CD300C: variants seen among roughly 807,000 people sequenced by gnomAD.
The protein encoded by CD300C is CMRF35-like molecule 6.
Under a neutral mutation model 18.4 loss-of-function variants are expected in CD300C, and 11 were observed. The ratio of observed to expected loss-of-function variants is 0.60; its 90% CI spans 0.38 to 0.99. CD300C has a LOEUF of 0.99. Among genes scored for constraint, CD300C ranks in the 50% least tolerant of loss-of-function variants. The pLI is 0.01. For missense variants in CD300C, 277 were observed against 287.4 expected (o/e 0.96, Z 0.26); for synonymous variants, 116 against 116.3 (o/e 1.00, Z 0.02).
chr17:74,542,824 C>T lies in CD300C; in HGVS notation c.527+37G>A, dbSNP rs766076085. The T allele has an allele frequency of 1.1e-5, 17 of 1,577,398 alleles. No homozygotes were observed. The South Asian group carries it at 1.2e-4, about 11-fold the overall frequency. ...TAAACATCACACGCAGTGGGGAGGC[C>T]GCCAGCGTGGCCCAGTCCTATGCGC... On this transcript the variant is annotated intron_variant, in intron 3 of 3. Coordinates refer to ENST00000330793, the MANE Select transcript of CD300C (RefSeq NM_006678.5).
chr17:74,542,741 G>T, intron 3 of CD300C, 120 bp downstream of exon 3: 3 of 1,207,778 alleles, frequency 2.5e-6, no homozygotes, highest in Admixed American at 2.3e-5. Context: ...GAACCTTCAC[G>T]TTTGGTGTGG....
chr17:74,535,053 A>G, the CD300C span, among the ~76,000 whole-genome samples: 1 of 152,272 alleles, frequency 6.6e-6, no homozygotes, highest in African/African-American at 2.4e-5. Context: ...TTGATTATCT[A>G]CATATAAAAC....
At chr17:74,540,785 A>C (rs1156307352), downstream of CD300C, among the ~76,000 whole-genome samples, 1 of 152,208 alleles carries the variant, frequency 6.6e-6, no homozygotes, top group Non-Finnish European at 1.5e-5. Flanking sequence ...CACCAGTTAA[A>C]ACCCACAGCC....
downstream of CD300C, among the ~76,000 whole-genome samples, chr17:74,537,976 AG>A (rs1908430902): frequency 6.6e-6 from 1 of 152,222 alleles, no homozygotes; most frequent in Admixed American, 6.5e-5. Context: ...TTCTGAGAGA[AG>A]GATAGAAAAG....
intron 1 of CD300C, 117 bp from the exon 2 acceptor site, chr17:74,545,064 C>G (rs1177824734): frequency 1.1e-6 from 1 of 905,092 alleles, no homozygotes; most frequent in Non-Finnish European, 1.7e-6. Context: ...AGGCAGGCAG[C>G]CTTTGTCCAC....
Position 74,541,565 on chromosome 17 carries a change from C to T in CD300C, c.*24G>A, listed in dbSNP as rs1908548090. On this transcript the variant is annotated 3_prime_UTR_variant, in exon 4 of 4. Coordinates refer to ENST00000330793, the MANE Select transcript of CD300C (RefSeq NM_006678.5). ...CCCCCAGAGGGGCTCTGTTGCAGCA[C>T]AGGGCCTTGATGGACAGCAGATGCT... is the stretch of plus-strand genomic sequence containing the variant. 1 of 1,564,996 alleles carries T rather than the reference C, an allele frequency of 6.4e-7. No homozygotes were observed. Among genetic ancestry groups the T allele is most frequent in the Non-Finnish European group, 8.8e-7 (1 of 1,135,444 alleles).
downstream of CD300C, among the ~76,000 whole-genome samples, chr17:74,539,313 T>C (rs1908471147): frequency 6.6e-6 from 1 of 152,120 alleles, no homozygotes; most frequent in Admixed American, 6.5e-5. Context: ...CAGTCATTGG[T>C]GCTGATGCCC....
intron 2 of CD300C, 77 bp from the exon 3 acceptor site, chr17:74,543,064 T>TGGTGTCATGAGCAGCGGCTGCTGGTG: frequency 6.3e-7 from 1 of 1,575,960 alleles, no homozygotes; most frequent in Non-Finnish European, 8.7e-7. Context: ...TGCTCCAATT[T>TGGTGTCATGAGCAGCGGCTGCTGGTG]TCACAGACAA....
intron 2 of CD300C, 29 bp from the exon 3 acceptor site, chr17:74,543,016 T>A (rs781535102): frequency 2.5e-6 from 4 of 1,612,206 alleles, no homozygotes; most frequent in Non-Finnish European, 3.4e-6. Context: ...TCAACCTTGA[T>A]GACATCACAT....
the CD300C span, among the ~76,000 whole-genome samples, chr17:74,536,062 G>C: frequency 1.3e-5 from 2 of 152,042 alleles, no homozygotes; most frequent in African/African-American, 4.8e-5. Flanking sequence ...AATGGGTCAA[G>C]GACTTACCTG....
At chr17:74,535,469 C>CAAAAAAAAAAAAAAAAAAACCAAAAAAA in the CD300C span, among the ~76,000 whole-genome samples, 1 of 80,276 alleles carries the variant, frequency 1.2e-5, no homozygotes, top group Non-Finnish European at 2.4e-5. Context: ...AACTCTGTCT[C>CAAAAAAAAAAAAAAAAAAACCAAAAAAA]AAAAAAAAAA....
intron 1 of CD300C, among the ~76,000 whole-genome samples, 197 bp from the exon 2 acceptor site, chr17:74,545,144 G>A (rs1283868398): frequency 2.0e-5 from 3 of 152,200 alleles, no homozygotes; most frequent in Non-Finnish European, 4.4e-5. Flanking sequence ...AAGTTTCCAT[G>A]GAGACTGGAA....
intron 2 of CD300C, among the ~76,000 whole-genome samples, chr17:74,543,552 C>T (rs968761857): frequency 5.3e-5 from 8 of 152,210 alleles, no homozygotes; most frequent in Non-Finnish European, 1.0e-4. Flanking sequence ...GCCTGGGCGG[C>T]GGCCCGTGGT....
In CD300C at chr17:74,542,933, G is replaced by A; in HGVS notation, c.455C>T (p.Pro152Leu). 1.9e-6 allele frequency: 3 copies of A among 1,613,248 alleles called. No individual in the cohort carries two copies. Among genetic ancestry groups the A allele is most frequent in the Non-Finnish European group, 2.5e-6 (3 of 1,180,008 alleles). The part of the protein sequence containing the change: ...PQSSMGTSGP[P>L]TKLPVHTWPS... ...CCAGGTGTGCACGGGCAGCTTCGTG[G>A]GAGGACCTGAGGTGCCCATGGAGCT... The change falls in exon 3 of 4, where the codon CCC becomes CTC. Residue 152 changes from proline to leucine, a missense_variant. By Grantham distance (98) the Pro-to-Leu change is moderately conservative. Coordinates refer to ENST00000330793, the MANE Select transcript of CD300C (RefSeq NM_006678.5).
At chr17:74,544,180 G>C (rs1217839152) in intron 2 of CD300C, among the ~76,000 whole-genome samples, 1 of 152,170 alleles carries the variant, frequency 6.6e-6, no homozygotes, top group Non-Finnish European at 1.5e-5. Flanking sequence ...GTGGGGAAGA[G>C]CGAGTTAGAC....
intron 2 of CD300C, among the ~76,000 whole-genome samples, chr17:74,544,401 G>A (rs188478874): frequency 7.0e-6 from 1 of 142,386 alleles, no homozygotes; most frequent in African/African-American, 2.8e-5. Context: ...CACACATGCA[G>A]GTGCACACAC....
At position 74,544,735 on chromosome 17, in the gene CD300C, TGAG is replaced by T. The variant is rs1387450743; in HGVS notation, c.271_273del (p.Leu91del). On this transcript the variant is annotated inframe_deletion, in exon 2 of 4. Coordinates refer to ENST00000330793, the MANE Select transcript of CD300C (RefSeq NM_006678.5). ...AGATTCTCCAGGGTCACTGTGAAGC[TGAG>T]GTTTGCAGGACTGTCCCTGATGGAC... The T allele has an allele frequency of 1.2e-6, 2 of 1,614,248 alleles. No individual in the cohort carries two copies. The highest frequency in any genetic ancestry group is 2.7e-5 in the African/African-American group (2 of 75,066).
rs1908687685 is a variant in CD300C, at chr17:74,544,695, G to A, written c.314C>T (p.Ala105Val). Reference sequence around the variant, plus strand: ...ATCCACCCCACACCAGTAGGTGCCTGCGTCCTCCTCTGTGAGATTCTCCAG... The same window carrying A: ...ATCCACCCCACACCAGTAGGTGCCTACGTCCTCCTCTGTGAGATTCTCCAG... ...VTLENLTEEDAGTYWCGVDTP... is the reference protein window; with the variant it reads ...VTLENLTEEDVGTYWCGVDTP... The change falls in exon 2 of 4, where the codon GCA becomes GTA. Residue 105 changes from alanine (A) to valine (V), a missense_variant. Ala to Val is a moderately conservative substitution (Grantham distance 64). Transcript: ENST00000330793. 6.2e-7 allele frequency: 1 copy of A among 1,614,122 alleles called. No homozygotes were observed. Among genetic ancestry groups the A allele is most frequent in the Non-Finnish European group, 8.5e-7 (1 of 1,180,058 alleles).
rs759765720 is a variant in CD300C, at chr17:74,541,706, G to T, written c.558C>A (p.Leu186=). ...GCAGGGGCAGCTCCAAGAGGACCAG[G>T]AGCAGGAAGCGGACATTGCTGAACA... The part of the protein sequence containing the change: ...GSLFSNVRFL[L]LVLLELPLLL... The change falls in exon 4 of 4, where the codon CTC becomes CTA. Residue 186 remains leucine (L), a synonymous_variant. Coordinates refer to ENST00000330793, the MANE Select transcript of CD300C (RefSeq NM_006678.5). The T allele has an allele frequency of 6.2e-7, 1 of 1,613,874 alleles. No individual in the cohort carries two copies. The highest frequency in any genetic ancestry group is 8.5e-7 in the Non-Finnish European group (1 of 1,179,800).
Sources: allele counts gnomAD v4.1 joint callset (sites outside exome capture counted in the v4.1 genomes callset), GRCh38; gene constraint gnomAD v4.1.1; transcripts MANE v1.5; gene names NCBI Gene and HGNC (gene_info 2026-07-23, HGNC 2026-07-21).